The following XRCC5 variants were observed in gnomAD, a reference collection of about 807,000 sequenced individuals.
The protein encoded by XRCC5 is X-ray repair cross complementing 5.
A neutral mutation model predicts 95.7 loss-of-function variants in XRCC5; 12 were observed. The ratio of observed to expected loss-of-function variants is 0.13; its 90% CI spans 0.08 to 0.20. XRCC5 has a LOEUF of 0.20. XRCC5 is among the 10% of genes least tolerant of loss of function. The pLI, the probability that XRCC5 is intolerant of heterozygous loss-of-function variation, is 1.00. For missense variants in XRCC5, 595 were observed against 873.9 expected (o/e 0.68, Z 4.02); for synonymous variants, 281 against 290.3 (o/e 0.97, Z 0.33).
Position 216,109,836 on chromosome 2 carries a change from A to G in XRCC5, c.21+379A>G, listed in dbSNP as rs1031645240. Among the ~76,000 whole-genome samples the G allele has an allele frequency of 2.0e-5, 3 of 152,030 alleles. No homozygotes were observed. In the South Asian group the frequency reaches 6.2e-4, roughly 32 times the overall value. On this transcript the variant is annotated intron_variant, in intron 1 of 20. Coordinates refer to ENST00000392132, the MANE Select transcript of XRCC5 (RefSeq NM_021141.4). ...CCGAGCCTGGGTTCTTAAGATCTCT[A>G]TGAGAATGAAAATTAGCTGTGATAA...
intron 8 of XRCC5, among the ~76,000 whole-genome samples, chr2:216,129,220 G>A (rs1182689672): frequency 1.3e-5 from 2 of 152,196 alleles, no homozygotes; most frequent in South Asian, 2.1e-4. Context: ...TTATTGCTGG[G>A]GCAATGGAGA....
intron 16 of XRCC5, among the ~76,000 whole-genome samples, chr2:216,176,339 G>A (rs1453704272): frequency 6.6e-6 from 1 of 152,020 alleles, no homozygotes; most frequent in Non-Finnish European, 1.5e-5. Flanking sequence ...GGTTGGTCTC[G>A]AACTCCTGAC....
Position 216,187,861 on chromosome 2 carries a change from T to TCTCTC in XRCC5, c.1835-2363_1835-2362insTCTCC, listed in dbSNP as rs143232624. ...CTCTCTCTCTCTCTCTCTCTCTCTCTCCCCGTCTCCCTGTCTCTCCCTCTC... is the reference window on the plus strand; with the variant it reads ...CTCTCTCTCTCTCTCTCTCTCTCTCTCTCTCCCCCGTCTCCCTGTCTCTCCCTCTC... On this transcript the variant is annotated intron_variant, in intron 16 of 20. Transcript: ENST00000392132. Among the ~76,000 whole-genome samples the TCTCTC allele has an allele frequency of 2.6e-3, 299 of 116,210 alleles. 18 individuals are homozygous for TCTCTC. Among genetic ancestry groups the TCTCTC allele is most frequent in the African/African-American group, 0.012 (287 of 23,844 alleles). The allele number at this position is 116,210 out of a possible 152,430, so 76.2% of individuals were successfully genotyped here.
At chr2:216,131,064 T>C (rs978879045) in intron 9 of XRCC5, 77 bp downstream of exon 9, 16 of 1,453,268 alleles carry the variant, frequency 1.1e-5, no homozygotes, top group African/African-American at 5.8e-5. Context: ...GGTCATTTTA[T>C]TTATAAGGTA....
chr2:216,166,034 T>C (rs1033783381), intron 16 of XRCC5, among the ~76,000 whole-genome samples: 1 of 152,214 alleles, frequency 6.6e-6, no homozygotes, highest in Non-Finnish European at 1.5e-5. Flanking sequence ...ATGTTCTTTC[T>C]GGCTGCCCTT....
At chr2:216,136,958 C>A in intron 10 of XRCC5, 130 bp from the exon 11 acceptor site, 1 of 1,081,400 alleles carries the variant, frequency 9.2e-7, no homozygotes, top group Non-Finnish European at 1.3e-6. Context: ...TGCACTTCGT[C>A]CTTCAAGTCA....
At chr2:216,140,565 C>G (rs1280330498) in intron 12 of XRCC5, among the ~76,000 whole-genome samples, 1 of 152,090 alleles carries the variant, frequency 6.6e-6, no homozygotes, top group East Asian at 1.9e-4. Flanking sequence ...TATTTCTGCT[C>G]TCATGGAACT....
chr2:216,154,655 A>T (rs1688809332), intron 14 of XRCC5, among the ~76,000 whole-genome samples: 1 of 152,234 alleles, frequency 6.6e-6, no homozygotes, highest in Admixed American at 6.5e-5. Context: ...TGTGTGAAAG[A>T]CAGAGAGTGC....
At chr2:216,184,564 C>A (rs1459623985) in intron 16 of XRCC5, among the ~76,000 whole-genome samples, 1 of 152,216 alleles carries the variant, frequency 6.6e-6, no homozygotes, top group African/African-American at 2.4e-5. Flanking sequence ...GCAACTTCTG[C>A]CTCCCAGGCT....
chr2:216,157,983 G>T (rs1486152353), intron 14 of XRCC5, among the ~76,000 whole-genome samples: 1 of 152,120 alleles, frequency 6.6e-6, no homozygotes, highest in Non-Finnish European at 1.5e-5. Context: ...TAAATGATTT[G>T]GCCTGGAGAA....
intron 10 of XRCC5, among the ~76,000 whole-genome samples, chr2:216,135,763 C>T (rs1697064499): frequency 6.6e-6 from 1 of 151,330 alleles, no homozygotes; most frequent in Admixed American, 6.6e-5. Flanking sequence ...TGTGCCACTG[C>T]ACTCCAGCCT....
At chr2:216,167,597 T>TGA (rs1310903958) in intron 16 of XRCC5, among the ~76,000 whole-genome samples, 2 of 148,014 alleles carry the variant, frequency 1.4e-5, no homozygotes, top group East Asian at 2.3e-4. Flanking sequence ...TGTGTGTGTG[T>TGA]GTGTGTGTGT....
intron 2 of XRCC5, among the ~76,000 whole-genome samples, chr2:216,114,555 T>A (rs1696648381): frequency 6.6e-6 from 1 of 150,828 alleles, no homozygotes; most frequent in Non-Finnish European, 1.5e-5. Flanking sequence ...AAGCCATGGT[T>A]AGGCAATTAG....
At chr2:216,173,381 A>T (rs1388633180) in intron 16 of XRCC5, among the ~76,000 whole-genome samples, 1 of 152,168 alleles carries the variant, frequency 6.6e-6, no homozygotes, top group Admixed American at 6.5e-5. Context: ...TGTCAGCTTG[A>T]GAAAGTTTCC....
At chr2:216,153,231 A>G (rs375130643) in intron 14 of XRCC5, among the ~76,000 whole-genome samples, 2 of 152,286 alleles carry the variant, frequency 1.3e-5, no homozygotes, top group East Asian at 1.9e-4. Context: ...ACCTCTTTGA[A>G]GCACTTGACA....
intron 19 of XRCC5, among the ~76,000 whole-genome samples, chr2:216,196,382 T>C (rs1444855624): frequency 6.6e-6 from 1 of 152,168 alleles, no homozygotes; most frequent in Non-Finnish European, 1.5e-5. Context: ...GTATGCCATT[T>C]AACTGTTTGG....
At chr2:216,180,075 C>A (rs1165036092) in intron 16 of XRCC5, among the ~76,000 whole-genome samples, 2 of 152,112 alleles carry the variant, frequency 1.3e-5, no homozygotes, top group Non-Finnish European at 2.9e-5. Context: ...TTGCCATTTG[C>A]TGAGAAGGAG....
At chr2:216,115,151 C>T (rs779097056) in intron 2 of XRCC5, among the ~76,000 whole-genome samples, 1 of 145,284 alleles carries the variant, frequency 6.9e-6, no homozygotes, top group Non-Finnish European at 1.5e-5. Flanking sequence ...CTGCTTTAAA[C>T]CTTGCTTATG....
At chr2:216,200,124 C>A (rs1190452964) in intron 19 of XRCC5, among the ~76,000 whole-genome samples, 1 of 152,058 alleles carries the variant, frequency 6.6e-6, no homozygotes, top group Non-Finnish European at 1.5e-5. Context: ...GGAATCCAGA[C>A]CCCCAGATGC....
Sources: gnomAD v4.1 joint callset for allele counts (sites outside exome capture counted in the v4.1 genomes callset) on GRCh38, gnomAD v4.1.1 for gene constraint, MANE v1.5 for transcripts, NCBI Gene and HGNC (gene_info 2026-07-23, HGNC 2026-07-21) for gene names.